Variants in UBXN7 observed in about 807,000 individuals in gnomAD.
UBXN7 encodes UBX domain-containing protein 7.
A neutral mutation model predicts 58.0 loss-of-function variants in UBXN7; 9 were observed. The ratio of observed to expected loss-of-function variants is 0.16; its 90% CI spans 0.09 to 0.27. The LOEUF (loss-of-function observed/expected upper bound fraction) is 0.27, where lower values mean the gene tolerates loss of function less well. Among genes scored for constraint, UBXN7 ranks in the 10% least tolerant of loss-of-function variants. The pLI is 1.00. For missense variants in UBXN7, 328 were observed against 599.6 expected (o/e 0.55, Z 4.73); for synonymous variants, 208 against 205.0 (o/e 1.01, Z -0.12).
In UBXN7 at chr3:196,361,857, T is replaced by C. The variant is rs1240641714; in HGVS notation, c.1295A>G (p.Gln432Arg). ...GCCTGTACTTACTAGCAGTTTAGCTTGCTCTGGAAGAGTGATCTGTTCCCT... is the reference window on the plus strand; with the variant it reads ...GCCTGTACTTACTAGCAGTTTAGCTCGCTCTGGAAGAGTGATCTGTTCCCT... The part of the protein sequence containing the change: ...GKREQITLPE[Q>R]AKLLALVKHV... Residue 432 changes from glutamine (Q) to arginine (R), a missense_variant, in exon 10 of 11, where the codon CAA becomes CGA. Physicochemically the swap from Gln to Arg is conservative, Grantham distance 43. Coordinates refer to ENST00000296328, the MANE Select transcript of UBXN7 (RefSeq NM_015562.2). The C allele has an allele frequency of 3.1e-6, 5 of 1,613,942 alleles. No homozygotes were observed. The East Asian group carries it at 6.7e-5, about 22-fold the overall frequency.
intron 1 of UBXN7, chr3:196,431,768 G>C: frequency 2.2e-6 from 1 of 448,472 alleles, no homozygotes; most frequent in Non-Finnish European, 4.5e-6. Context: ...AAGTGTAAAG[G>C]CACGGCCGAA....
chr3:196,384,060 A>C (rs1729296930), intron 5 of UBXN7, among the ~76,000 whole-genome samples: 1 of 152,236 alleles, frequency 6.6e-6, no homozygotes, highest in African/African-American at 2.4e-5. Context: ...TAGCAAGACT[A>C]ATAAAGAAGA....
intron 3 of UBXN7, among the ~76,000 whole-genome samples, chr3:196,395,156 T>A (rs1729730300): frequency 6.6e-6 from 1 of 152,212 alleles, no homozygotes; most frequent in East Asian, 1.9e-4. Context: ...TGTTAATAAA[T>A]GATTAGTATC....
intron 6 of UBXN7, among the ~76,000 whole-genome samples, chr3:196,370,054 C>T (rs576096945): frequency 2.7e-5 from 4 of 149,142 alleles, no homozygotes; most frequent in Admixed American, 6.9e-5. Context: ...CGCTTGAACC[C>T]GGGAGGCAGA....
chr3:196,405,589 T>TAA (rs1730138732), intron 2 of UBXN7, among the ~76,000 whole-genome samples: 1 of 152,142 alleles, frequency 6.6e-6, no homozygotes, highest in African/African-American at 2.4e-5. Context: ...TATATATATA[T>TAA]AATTGTCTCA....
chr3:196,376,797 G>A (rs1475596469), intron 5 of UBXN7, among the ~76,000 whole-genome samples: 2 of 151,772 alleles, frequency 1.3e-5, no homozygotes, highest in Non-Finnish European at 2.9e-5. Flanking sequence ...GGTAATCTCA[G>A]AACTCTGGGA....
At chr3:196,404,393 G>T (rs1730093514) in intron 2 of UBXN7, among the ~76,000 whole-genome samples, 1 of 151,774 alleles carries the variant, frequency 6.6e-6, no homozygotes, top group Non-Finnish European at 1.5e-5. Flanking sequence ...CTCCCAAGGA[G>T]CTGGGACTAC....
chr3:196,417,205 G>C (rs898458377), intron 1 of UBXN7, among the ~76,000 whole-genome samples: 37 of 152,150 alleles, frequency 2.4e-4, no homozygotes, highest in Middle Eastern at 3.4e-3. Context: ...CCCAGCTGCT[G>C]GGGAGGCTGA....
chr3:196,364,139 T>C (rs1465119892), intron 8 of UBXN7, among the ~76,000 whole-genome samples: 2 of 152,164 alleles, frequency 1.3e-5, no homozygotes, highest in Non-Finnish European at 2.9e-5. Flanking sequence ...TAACAAGAAA[T>C]GCAAACTTCT....
At chr3:196,369,320 G>C (rs1250485520) in intron 7 of UBXN7, 101 bp downstream of exon 7, 1 of 953,768 alleles carries the variant, frequency 1.0e-6, no homozygotes, top group Admixed American at 2.4e-5. Flanking sequence ...CTAAATTACT[G>C]CAATTCTGAA....
intron 5 of UBXN7, among the ~76,000 whole-genome samples, chr3:196,373,061 C>G (rs540707499): frequency 4.0e-4 from 61 of 152,250 alleles, no homozygotes; most frequent in African/African-American, 1.5e-3. Context: ...AATTATACTT[C>G]TTTTTAATGA....
At chr3:196,430,361 AAATAAT>A (rs34017536) in intron 1 of UBXN7, among the ~76,000 whole-genome samples, 10 of 150,090 alleles carry the variant, frequency 6.7e-5, no homozygotes, top group African/African-American at 1.7e-4. Flanking sequence ...GACTGTCTCA[AAATAAT>A]AATAATAATA....
chr3:196,363,235 CATACATACATACATAAATAT>C (rs1350790374), intron 8 of UBXN7, among the ~76,000 whole-genome samples: 15 of 134,916 alleles, frequency 1.1e-4, no homozygotes, highest in African/African-American at 3.4e-4. Flanking sequence ...TACATACATA[CATACATACATACATAAATAT>C]ATATATACAC....
chr3:196,390,730 GA>G (rs528568666), intron 5 of UBXN7, among the ~76,000 whole-genome samples: 3,630 of 101,424 alleles, frequency 0.036, 51 homozygotes, highest in South Asian at 0.12. Flanking sequence ...CCATCTCAAG[GA>G]AAAAAAAAAA....
At chr3:196,389,909 G>A (rs1443581261) in intron 5 of UBXN7, among the ~76,000 whole-genome samples, 1 of 152,112 alleles carries the variant, frequency 6.6e-6, no homozygotes, top group African/African-American at 2.4e-5. Context: ...CAAATATGCA[G>A]CTGATATACA....
intron 10 of UBXN7, among the ~76,000 whole-genome samples, chr3:196,361,548 C>T (rs1278685410): frequency 6.6e-6 from 1 of 152,178 alleles, no homozygotes; most frequent in African/African-American, 2.4e-5. Context: ...TCACTGCTGT[C>T]ACATTTTCAG....
At chr3:196,414,811 A>G (rs1298309903) in intron 1 of UBXN7, 1 of 152,174 alleles carries the variant, frequency 6.6e-6, no homozygotes, top group Admixed American at 6.6e-5. Flanking sequence ...TTCTCATCCC[A>G]GTTACATTCT....
intron 5 of UBXN7, among the ~76,000 whole-genome samples, chr3:196,375,556 G>C (rs1373177382): frequency 6.6e-6 from 1 of 152,166 alleles, no homozygotes; most frequent in Non-Finnish European, 1.5e-5. Flanking sequence ...GTGAGAGTGG[G>C]CCATGAGAAA....
At chr3:196,378,984 T>C (rs528505602) in intron 5 of UBXN7, among the ~76,000 whole-genome samples, 36 of 120,994 alleles carry the variant, frequency 3.0e-4, no homozygotes, top group African/African-American at 1.1e-3. Flanking sequence ...CCAGCTTCTT[T>C]CCATGTTGGT....
Sources: gnomAD v4.1 joint callset for allele counts (sites outside exome capture counted in the v4.1 genomes callset) on GRCh38, gnomAD v4.1.1 for gene constraint, MANE v1.5 for transcripts, NCBI Gene and HGNC (gene_info 2026-07-23, HGNC 2026-07-21) for gene names.